The following KCNN2 variants were observed in gnomAD, a reference collection of about 807,000 sequenced individuals.
KCNN2 encodes potassium calcium-activated channel subfamily N member 2, also known as small conductance calcium-activated potassium channel protein 2.
A neutral mutation model predicts 55.5 loss-of-function variants in KCNN2; 24 were observed. The ratio of observed to expected loss-of-function variants is 0.43; its 90% CI spans 0.31 to 0.61. The LOEUF is 0.61. Among genes scored for constraint, KCNN2 ranks in the 20% least tolerant of loss-of-function variants. The pLI, the probability that KCNN2 is intolerant of heterozygous loss-of-function variation, is 0.08. For missense variants in KCNN2, 754 were observed against 853.6 expected (o/e 0.88, Z 1.45); for synonymous variants, 431 against 336.1 (o/e 1.28, Z -3.09).
At chr5:114,466,842 G>C (rs571990905) in intron 4 of KCNN2, among the ~76,000 whole-genome samples, 184 of 152,074 alleles carry the variant, frequency 1.2e-3, no homozygotes, top group African/African-American at 4.2e-3. Flanking sequence ...ACAAAACTGA[G>C]GACACTTCAG....
chr5:114,094,847 A>G (rs1580507110), intron 1 of KCNN2, among the ~76,000 whole-genome samples: 1 of 152,144 alleles, frequency 6.6e-6, no homozygotes, highest in East Asian at 1.9e-4. Context: ...ATTATTGACT[A>G]TTTTTTGATG....
intron 1 of KCNN2, among the ~76,000 whole-genome samples, chr5:114,081,065 C>A (rs866775694): frequency 2.0e-5 from 3 of 151,856 alleles, no homozygotes; most frequent in African/African-American, 4.8e-5. Flanking sequence ...ACAATAGCAT[C>A]AAAAAGTATA....
intron 1 of KCNN2, among the ~76,000 whole-genome samples, chr5:114,120,467 C>T (rs1751805010): frequency 6.6e-6 from 1 of 152,264 alleles, no homozygotes; most frequent in East Asian, 1.9e-4. Flanking sequence ...GTATCATCAC[C>T]CTTTGGAGTG....
chr5:114,093,638 G>A lies in KCNN2; in HGVS notation c.-271+37138G>A, dbSNP rs537057548. On this transcript the variant is annotated intron_variant, in intron 1 of 10. Coordinates refer to the KCNN2 transcript ENST00000512097. Reference sequence around the variant, plus strand: ...TCTCAGGAAACTTACATTCCTGGCGGAAGGTGAGGGGGAAACAAGGCACCT... The same window carrying A: ...TCTCAGGAAACTTACATTCCTGGCGAAAGGTGAGGGGGAAACAAGGCACCT... Among the ~76,000 whole-genome samples the A allele has an allele frequency of 1.0e-3, 153 of 152,336 alleles. 1 individual carries two copies. The highest frequency in any genetic ancestry group is 3.6e-3 in the African/African-American group (148 of 41,568).
intron 5 of KCNN2, among the ~76,000 whole-genome samples, chr5:114,477,433 T>C (rs1006205022): frequency 6.6e-6 from 1 of 152,228 alleles, no homozygotes; most frequent in Non-Finnish European, 1.5e-5. Flanking sequence ...TAGAATACTA[T>C]TTATTGTACA....
chr5:114,340,309 C>G (rs2150036250), intron 2 of KCNN2, among the ~76,000 whole-genome samples: 1 of 152,212 alleles, frequency 6.6e-6, no homozygotes, highest in East Asian at 1.9e-4. Context: ...ACTTGACAAC[C>G]AAATTACAAT....
chr5:114,462,694 C>G (rs1761264064), intron 3 of KCNN2, among the ~76,000 whole-genome samples: 1 of 152,296 alleles, frequency 6.6e-6, no homozygotes, highest in Middle Eastern at 3.4e-3. Flanking sequence ...TGAGATTGGG[C>G]AGCTGCATAT....
Position 114,362,780 on chromosome 5 carries a change from G to T in KCNN2, c.641G>T (p.Ser214Ile). The change falls in exon 1 of 8, where the codon AGC (serine) becomes ATC (isoleucine). Residue 214 changes from serine to isoleucine, a missense_variant. Ser to Ile is a moderately radical substitution (Grantham distance 142). Around this residue, in one of 4 missense-constraint regions of KCNN2, gnomAD observed 381 missense variants for 259.1 expected, o/e 1.47. Coordinates refer to ENST00000673685, the MANE Select transcript of KCNN2 (RefSeq NM_021614.4). ...ESNPFTEIAMSSCRYNGGVMR... is the reference protein window; with the variant it reads ...ESNPFTEIAMISCRYNGGVMR... ...AACCCCTTCACCGAAATAGCCATGA[G>T]CAGCTGCAGGTACAACGGGGGCGTC... 6.3e-7 allele frequency: 1 copy of T among 1,587,816 alleles called. No homozygotes were observed. Among genetic ancestry groups the T allele is most frequent in the Non-Finnish European group, 8.5e-7 (1 of 1,172,624 alleles).
intron 3 of KCNN2, among the ~76,000 whole-genome samples, chr5:114,446,625 T>C (rs1420824561): frequency 6.6e-6 from 1 of 151,998 alleles, no homozygotes; most frequent in East Asian, 1.9e-4. Context: ...GCCCGGCTAA[T>C]TTTTGTAATT....
chr5:114,388,240 T>G (rs1264626352), intron 2 of KCNN2, among the ~76,000 whole-genome samples: 4 of 152,210 alleles, frequency 2.6e-5, no homozygotes, highest in Admixed American at 6.5e-5. Flanking sequence ...GCTTCTATCT[T>G]TCTCCTTTCT....
intron 2 of KCNN2, among the ~76,000 whole-genome samples, chr5:114,257,940 C>G (rs1418200203): frequency 6.6e-6 from 1 of 152,074 alleles, no homozygotes; most frequent in Admixed American, 6.6e-5. Context: ...GGGAATGCTT[C>G]CAGCTTTTCT....
At chr5:114,223,121 T>C (rs1286683964) in intron 2 of KCNN2, among the ~76,000 whole-genome samples, 1 of 152,168 alleles carries the variant, frequency 6.6e-6, no homozygotes, top group Non-Finnish European at 1.5e-5. Context: ...AAAGAAGATA[T>C]ATAATTTAGG....
chr5:114,131,789 C>G (rs894001009), intron 1 of KCNN2, among the ~76,000 whole-genome samples: 1 of 152,196 alleles, frequency 6.6e-6, no homozygotes, highest in Non-Finnish European at 1.5e-5. Context: ...TCAACAACAT[C>G]TGTTGTTTCT....
intron 6 of KCNN2, among the ~76,000 whole-genome samples, chr5:114,488,837 TA>T (rs1347779699): frequency 6.6e-6 from 1 of 152,178 alleles, no homozygotes; most frequent in African/African-American, 2.4e-5. Flanking sequence ...TTTCTACCTT[TA>T]ATATTTTGGT....
At chr5:114,403,159 A>G (rs1758836388) in intron 2 of KCNN2, among the ~76,000 whole-genome samples, 1 of 152,166 alleles carries the variant, frequency 6.6e-6, no homozygotes, top group Non-Finnish European at 1.5e-5. Flanking sequence ...ATTATGGGGA[A>G]TAACTTTATT....
intron 3 of KCNN2, among the ~76,000 whole-genome samples, chr5:114,437,764 A>T (rs1428022974): frequency 2.6e-5 from 4 of 152,194 alleles, no homozygotes; most frequent in Non-Finnish European, 4.4e-5. Flanking sequence ...GGAAGGTAGA[A>T]AATCATGAGT....
intron 2 of KCNN2, among the ~76,000 whole-genome samples, chr5:114,303,057 G>A (rs1756199719): frequency 6.6e-6 from 1 of 152,216 alleles, no homozygotes; most frequent in Non-Finnish European, 1.5e-5. Flanking sequence ...CATTTTGCCA[G>A]GAAGACAATT....
intron 2 of KCNN2, among the ~76,000 whole-genome samples, chr5:114,284,764 C>T (rs1049312060): frequency 4.0e-5 from 6 of 151,636 alleles, no homozygotes; most frequent in Admixed American, 3.3e-4. Flanking sequence ...GTGATCCACC[C>T]GCCTTAGCCT....
intron 1 of KCNN2, among the ~76,000 whole-genome samples, chr5:114,184,432 A>T (rs1753292830): frequency 6.6e-6 from 1 of 152,164 alleles, no homozygotes; most frequent in African/African-American, 2.4e-5. Context: ...ATGGAGCTAA[A>T]AGATGTTGAG....
Sources: allele counts gnomAD v4.1 joint callset (sites outside exome capture counted in the v4.1 genomes callset), GRCh38; gene constraint gnomAD v4.1.1; regional missense constraint gnomAD v4.1.1; transcripts MANE v1.5; gene names NCBI Gene and HGNC (gene_info 2026-07-23, HGNC 2026-07-21).